The following CSMD1 variants were observed in gnomAD, a reference collection of about 807,000 sequenced individuals.
CSMD1 encodes CUB and sushi domain-containing protein 1.
In CSMD1, 213 loss-of-function variants were observed where a neutral mutation model predicts 417.5. That is an observed-to-expected ratio of 0.51 (90% CI 0.46 to 0.57). The LOEUF (loss-of-function observed/expected upper bound fraction) is 0.57, where lower values mean the gene tolerates loss of function less well. Among genes scored for constraint, CSMD1 ranks in the 20% least tolerant of loss-of-function variants. CSMD1 has a pLI of 0.00. For synonymous variants in CSMD1, 2,862 were observed against 1,736.8 expected (o/e 1.65, Z -16.11); for missense variants, 6,923 against 4,529.7 (o/e 1.53, Z -15.17).
intron 12 of CSMD1, among the ~76,000 whole-genome samples, chr8:3,467,382 G>A (rs1323242420): frequency 1.3e-5 from 2 of 152,192 alleles, no homozygotes; most frequent in Admixed American, 6.5e-5. Context: ...TGCAGGTCAT[G>A]TGGAAAATAT....
At chr8:3,098,350 ATG>A (rs758917880) in intron 46 of CSMD1, among the ~76,000 whole-genome samples, 5 of 152,224 alleles carry the variant, frequency 3.3e-5, no homozygotes, top group Admixed American at 6.5e-5. Context: ...AGCTTATGAT[ATG>A]TGTTTTTATT....
rs1802479057 is a variant in CSMD1, at chr8:2,949,491, A to G, written c.10315-105T>C. The G allele has an allele frequency of 5.7e-6, 3 of 528,658 alleles. No individual in the cohort carries two copies. The East Asian group carries it at 1.0e-4, about 18-fold the overall frequency. 32.7% of individuals were successfully genotyped at this position (528,658 alleles called of 1,614,324 possible). A position where few individuals can be genotyped will look rare whatever the true frequency, so the allele number is the denominator to read the frequency against. Reference sequence around the variant, plus strand: ...AATACAACTGTTATATCTCATATTTAGATACTACTGGTTAAATGTTTTATT... The same window carrying G: ...AATACAACTGTTATATCTCATATTTGGATACTACTGGTTAAATGTTTTATT... On this transcript the variant is annotated intron_variant, in intron 67 of 69. Coordinates refer to ENST00000635120, the MANE Select transcript of CSMD1 (RefSeq NM_033225.6).
intron 17 of CSMD1, among the ~76,000 whole-genome samples, chr8:3,390,428 A>G (rs141314469): frequency 6.6e-6 from 1 of 150,486 alleles, no homozygotes; most frequent in African/African-American, 2.4e-5. Context: ...TACATTTATG[A>G]TAAACTAAGA....
intron 9 of CSMD1, among the ~76,000 whole-genome samples, chr8:3,577,899 G>T (rs1324297106): frequency 6.6e-6 from 1 of 152,128 alleles, no homozygotes; most frequent in African/African-American, 2.4e-5. Flanking sequence ...ACTACCGTAA[G>T]TTCAGCCGTG....
chr8:4,804,759 C>G (rs996881104), intron 1 of CSMD1, among the ~76,000 whole-genome samples: 1 of 152,150 alleles, frequency 6.6e-6, no homozygotes, highest in Non-Finnish European at 1.5e-5. Flanking sequence ...AGAAAAGTAT[C>G]TTAGTATTTG....
At chr8:4,651,602 G>C (rs1714319591) in intron 1 of CSMD1, among the ~76,000 whole-genome samples, 1 of 152,126 alleles carries the variant, frequency 6.6e-6, no homozygotes, top group Non-Finnish European at 1.5e-5. Flanking sequence ...TGTAAAATGA[G>C]GCCCACATGG....
intron 3 of CSMD1, among the ~76,000 whole-genome samples, chr8:4,333,400 TCTGTCTCCTCAA>T (rs1198876304): frequency 6.6e-6 from 1 of 152,136 alleles, no homozygotes; most frequent in African/African-American, 2.4e-5. Flanking sequence ...GGGTTGAATT[TCTGTCTCCTCAA>T]CTACCTGTTG....
At chr8:4,357,670 C>T (rs771119422) in intron 3 of CSMD1, among the ~76,000 whole-genome samples, 1 of 151,998 alleles carries the variant, frequency 6.6e-6, no homozygotes, top group Non-Finnish European at 1.5e-5. Flanking sequence ...AAGTTTTCTT[C>T]ATGGTAGGAC....
chr8:3,902,948 T>C (rs1807855154), intron 5 of CSMD1, among the ~76,000 whole-genome samples: 1 of 152,190 alleles, frequency 6.6e-6, no homozygotes. Context: ...TCTACCTCCC[T>C]GAACTCAGTA....
intron 1 of CSMD1, among the ~76,000 whole-genome samples, chr8:4,791,657 G>A (rs567995981): frequency 1.7e-3 from 258 of 152,286 alleles, no homozygotes; most frequent in Non-Finnish European, 2.6e-3. Context: ...GCCCAACACA[G>A]AAGGCTAGTT....
At chr8:4,135,875 C>T (rs1480736218) in intron 3 of CSMD1, among the ~76,000 whole-genome samples, 1 of 152,000 alleles carries the variant, frequency 6.6e-6, no homozygotes. Flanking sequence ...GAAAAATGTT[C>T]TGATAAATTG....
intron 21 of CSMD1, among the ~76,000 whole-genome samples, chr8:3,354,917 G>GATATA (rs1191776536): frequency 7.0e-6 from 1 of 142,070 alleles, no homozygotes; most frequent in Non-Finnish European, 1.5e-5. Flanking sequence ...CTATAGATAT[G>GATATA]TCTATCTATA....
chr8:4,674,743 T>C (rs1311736414), intron 1 of CSMD1, among the ~76,000 whole-genome samples: 1 of 151,948 alleles, frequency 6.6e-6, no homozygotes, highest in East Asian at 1.9e-4. Context: ...AAATGCAAGG[T>C]TTCCTGGCCT....
intron 10 of CSMD1, among the ~76,000 whole-genome samples, chr8:3,552,152 A>T (rs1798943042): frequency 6.6e-6 from 1 of 152,246 alleles, no homozygotes. Context: ...CCATCTTCTA[A>T]GAGAAAGAGG....
chr8:4,014,406 C>T (rs1210877729), intron 4 of CSMD1, among the ~76,000 whole-genome samples: 2 of 152,144 alleles, frequency 1.3e-5, no homozygotes, highest in Non-Finnish European at 2.9e-5. Flanking sequence ...TATGATTTAA[C>T]ACTAATCTTC....
chr8:3,729,539 G>C (rs909735707), intron 6 of CSMD1, among the ~76,000 whole-genome samples: 3 of 152,172 alleles, frequency 2.0e-5, no homozygotes, highest in African/African-American at 7.2e-5. Flanking sequence ...GAATCGAAGT[G>C]GGCCTTGACA....
chr8:4,170,380 A>G (rs1797704070), intron 3 of CSMD1, among the ~76,000 whole-genome samples: 1 of 151,944 alleles, frequency 6.6e-6, no homozygotes, highest in African/African-American at 2.4e-5. Flanking sequence ...GAAAAATTGA[A>G]TTCAAGAGCC....
chr8:4,314,150 G>T (rs35616190), intron 3 of CSMD1, among the ~76,000 whole-genome samples: 1 of 151,748 alleles, frequency 6.6e-6, no homozygotes, highest in African/African-American at 2.4e-5. Context: ...CAACACATCC[G>T]AAGTCTAAAG....
chr8:3,919,576 C>T (rs1424086477), intron 5 of CSMD1, among the ~76,000 whole-genome samples: 1 of 152,074 alleles, frequency 6.6e-6, no homozygotes, highest in African/African-American at 2.4e-5. Context: ...GTGATGCCTT[C>T]AGCTGTGTTA....
Sources: gnomAD v4.1 joint callset for allele counts (sites outside exome capture counted in the v4.1 genomes callset) on GRCh38, gnomAD v4.1.1 for gene constraint, MANE v1.5 for transcripts, NCBI Gene and HGNC (gene_info 2026-07-23, HGNC 2026-07-21) for gene names.